The following FLT4 variants were observed in gnomAD, a reference collection of about 807,000 sequenced individuals.
FLT4 encodes the protein vascular endothelial growth factor receptor 3.
A neutral mutation model predicts 163.2 loss-of-function variants in FLT4; 30 were observed. The observed-to-expected ratio is 0.18, with a 90% confidence interval of 0.14 to 0.25. The LOEUF is 0.25. Ranked by LOEUF, FLT4 falls within the 10% of genes least tolerant of loss-of-function variation. FLT4 has a pLI of 1.00. For missense variants in FLT4, 1,510 were observed against 1,863.8 expected (o/e 0.81, Z 3.50); for synonymous variants, 884 against 789.5 (o/e 1.12, Z -2.01).
Position 180,625,962 on chromosome 5 carries a change from A to T in FLT4, c.1328T>A (p.Leu443His), listed in dbSNP as rs1763568439. ...GGGCACCCCGTAGGCCGTGCAGGTG[A>T]GGGCCTGGCGGCTGTGACGCGAGTA... ...SIYSRHSRQA[L>H]TCTAYGVPLP... Residue 443 changes from leucine to histidine, a missense_variant, in exon 10 of 30, where the codon CTC becomes CAC. This residue lies in a region of FLT4 where 878 missense variants were observed against 1,016.7 expected (regional missense o/e 0.86). Transcript: ENST00000261937. 1 of 1,612,572 alleles carries T rather than the reference A, an allele frequency of 6.2e-7. No individual in the cohort carries two copies. The highest frequency in any genetic ancestry group is 8.5e-7 in the Non-Finnish European group (1 of 1,179,966).
intron 1 of FLT4, among the ~76,000 whole-genome samples, chr5:180,645,350 A>G (rs1048359284): frequency 3.3e-5 from 5 of 152,210 alleles, no homozygotes; most frequent in African/African-American, 1.2e-4. Flanking sequence ...TGGGGCAGCC[A>G]GCTATGCCAG....
chr5:180,607,900 G>GC (rs199943664), intron 29 of FLT4: 6,897 of 588,074 alleles, frequency 0.012, 93 homozygotes, highest in African/African-American at 0.044. Flanking sequence ...TGTCACGCTG[G>GC]CATAAGGGCC....
rs1761565606 is a variant in FLT4 at position 180,602,499 on chromosome 5, G to A, written c.*693C>T. 5.0e-6 allele frequency: 2 copies of A among 398,914 alleles called. No homozygotes were observed. The highest frequency in any genetic ancestry group is 8.7e-5 in the Admixed American group (2 of 22,880). The allele number at this position is 398,914 out of a possible 1,614,324, so 24.7% of individuals were successfully genotyped here. A position where few individuals can be genotyped will look rare whatever the true frequency, so the allele number is the denominator to read the frequency against. On this transcript the variant is annotated 3_prime_UTR_variant, in exon 30 of 30. Transcript: ENST00000261937. ...CTCAGCAGCTCTAACAGTCTGTGAA[G>A]TTCTGTTGAAAAAGACTTGCAGGAT...
chr5:180,613,346 C>T (rs1185268709), intron 24 of FLT4: 2 of 475,546 alleles, frequency 4.2e-6, no homozygotes, highest in Non-Finnish European at 7.4e-6. Flanking sequence ...CGCCTGCTTG[C>T]TAGGGGTGCC....
chr5:180,618,911 G>T lies in FLT4; in HGVS notation c.2860C>A (p.Pro954Thr). 6.3e-7 allele frequency: 1 copy of T among 1,585,880 alleles called. No individual in the cohort carries two copies. Among genetic ancestry groups the T allele is most frequent in the Non-Finnish European group, 8.6e-7 (1 of 1,167,048 alleles). The change falls in exon 21 of 30, where the codon CCC (proline) becomes ACC (threonine). Residue 954 changes from proline (P) to threonine (T), a missense_variant. Physicochemically the swap from Pro to Thr is conservative, Grantham distance 38. This residue lies in a region of FLT4 where 878 missense variants were observed against 1,016.7 expected (regional missense o/e 0.86). Transcript: ENST00000261937. ...GCGCGGAAGCGTCCGCGCTGCTCGG[G>T]AGACTTCTCCTGCGGATGCACGAAG... ...DAFSPCAEKS[P>T]EQRGRFRAMV...
Position 180,620,600 on chromosome 5 carries a change from G to A in FLT4, c.2406+9C>T, listed in dbSNP as rs774782398. The A allele has an allele frequency of 2.5e-6, 4 of 1,593,588 alleles. No individual in the cohort carries two copies. In the East Asian group the frequency reaches 8.9e-5, roughly 36 times the overall value. ...AGAGACTCCATCAGGAGCGGGGAGG[G>A]ACACTCACCCTCCTCATGTTACAGA... On this transcript the variant is annotated intron_variant, in intron 16 of 29. Coordinates refer to ENST00000261937, the MANE Select transcript of FLT4 (RefSeq NM_182925.5). The surrounding 1 kb of genome is among the most constrained non-coding windows in gnomAD (Gnocchi z 4.4).
rs202036310 is a variant in FLT4 at position 180,619,278 on chromosome 5, G to A, written c.2736C>T (p.Leu912=). Residue 912 remains leucine, a synonymous_variant, in exon 19 of 30, where the codon CTC becomes CTT. Coordinates refer to ENST00000261937, the MANE Select transcript of FLT4 (RefSeq NM_182925.5). ...CCTGCGGCTTGGTGCACGCCCCGAGGAGGTTGACCACGTTGAGGTGGTTGC... is the reference window on the plus strand; with the variant it reads ...CCTGCGGCTTGGTGCACGCCCCGAGAAGGTTGACCACGTTGAGGTGGTTGC... ...HIGNHLNVVN[L]LGACTKPQGP... 16 of 1,610,542 alleles carry A rather than the reference G, an allele frequency of 9.9e-6. No individual in the cohort carries two copies. The highest frequency in any genetic ancestry group is 1.3e-5 in the Non-Finnish European group (15 of 1,179,180).
At chr5:180,628,512 G>A (rs564797150) in intron 8 of FLT4, among the ~76,000 whole-genome samples, 63 of 152,338 alleles carry the variant, frequency 4.1e-4, no homozygotes, top group African/African-American at 1.5e-3. Context: ...AGGCAGCCTC[G>A]CAAAAGGAGG....
chr5:180,612,987 C>T, intron 25 of FLT4, 24 bp downstream of exon 25: 1 of 1,588,208 alleles, frequency 6.3e-7, no homozygotes, highest in Non-Finnish European at 8.6e-7. Flanking sequence ...TCCCCAAAAC[C>T]TGCAGGGCCA....
At chr5:180,619,835 G>T in intron 17 of FLT4, 66 bp from the exon 18 acceptor site, 1 of 1,244,246 alleles carries the variant, frequency 8.0e-7, no homozygotes, top group Non-Finnish European at 1.2e-6. Context: ...GGTGGGCGGC[G>T]GGGGAGCCCC....
At chr5:180,639,538 G>C (rs1764944027) in intron 1 of FLT4, among the ~76,000 whole-genome samples, 1 of 151,764 alleles carries the variant, frequency 6.6e-6, no homozygotes, top group African/African-American at 2.4e-5. Flanking sequence ...ATGGTGGAAA[G>C]GTGGGCATAT....
rs372609921 is a variant in FLT4, at chr5:180,610,426, A to C, written c.3687-401T>G. Among the ~76,000 whole-genome samples the C allele has an allele frequency of 1.4e-4, 22 of 152,324 alleles. No homozygotes were observed. In the South Asian group the frequency reaches 3.3e-3, roughly 23 times the overall value. ...CACACGTTGAGGGGTTTGTGGAAGG[A>C]GCCTGGCAGAATCCAGCTAACTGTT... On this transcript the variant is annotated intron_variant, in intron 27 of 29. Transcript: ENST00000261937.
In FLT4 at chr5:180,620,306, C is replaced by G. The variant is rs745580922; in HGVS notation, c.2409G>C (p.Pro803=). The stretch of plus-strand genomic sequence containing the variant: ...AGCCCGTCTTGATGTCTGCGTGGGC[C>G]GGCTGCGGGGAGGGGACAGGGAGGA... ...LLLIFCNMRR[P]AHADIKTGYL... is the part of the protein sequence containing the mutation. The change falls in exon 17 of 30, where the codon CCG becomes CCC. Residue 803 remains proline, a splice_region_variant and synonymous_variant. Coordinates refer to ENST00000261937, the MANE Select transcript of FLT4 (RefSeq NM_182925.5). This position sits in a 1 kb window ranked among gnomAD's most constrained non-coding sequence, Gnocchi z 4.4. 1 of 1,610,960 alleles carries G rather than the reference C, an allele frequency of 6.2e-7. No homozygotes were observed. Among genetic ancestry groups the G allele is most frequent in the South Asian group, 1.1e-5 (1 of 91,054 alleles).
At position 180,619,057 on chromosome 5, in the gene FLT4, G is replaced by A. The variant is rs1262054228; in HGVS notation, c.2814C>T (p.Phe938=). 7.7e-6 allele frequency: 12 copies of A among 1,559,796 alleles called. No homozygotes were observed. The highest frequency in any genetic ancestry group is 1.9e-5 in the Admixed American group (1 of 52,868). Residue 938 remains phenylalanine (F), a synonymous_variant, in exon 20 of 30, where the codon TTC becomes TTT. Coordinates refer to ENST00000261937, the MANE Select transcript of FLT4 (RefSeq NM_182925.5). ...TGAAGGCGTCCCGCTTGGCGCGCAGGAAGTTGGAGAGGTTGCCGTACTTGC... is the reference window on the plus strand; with the variant it reads ...TGAAGGCGTCCCGCTTGGCGCGCAGAAAGTTGGAGAGGTTGCCGTACTTGC... The part of the protein sequence containing the change: ...EFCKYGNLSN[F]LRAKRDAFSP...
At chr5:180,624,171 C>G (rs900426844) in intron 10 of FLT4, 110 bp from the exon 11 acceptor site, 10 of 1,307,046 alleles carry the variant, frequency 7.7e-6, no homozygotes, top group East Asian at 2.5e-5. Flanking sequence ...CATATGGGGT[C>G]GTGGGCGAGG....
intron 18 of FLT4, 35 bp from the exon 19 acceptor site, chr5:180,619,401 C>T (rs910042666): frequency 2.0e-6 from 3 of 1,537,736 alleles, no homozygotes; most frequent in African/African-American, 1.4e-5. Context: ...CGGCCCCGAC[C>T]CTGGCAGGTC....
chr5:180,637,186 C>T lies in FLT4; in HGVS notation c.59-5408G>A, dbSNP rs1454686799. Reference sequence around the variant, plus strand: ...CTCTACTAAAAATACAAAAGTTAGCCGGGCACGGTGGTGGGTGCCTGTAGT... The same window carrying T: ...CTCTACTAAAAATACAAAAGTTAGCTGGGCACGGTGGTGGGTGCCTGTAGT... On this transcript the variant is annotated intron_variant, in intron 1 of 29. Transcript: ENST00000261937. 1.8e-4 allele frequency among the ~76,000 whole-genome samples: 28 copies of T among 151,932 alleles called. 1 individual carries two copies. Among genetic ancestry groups the T allele is most frequent in the Admixed American group, 1.4e-3 (22 of 15,238 alleles).
In FLT4 at chr5:180,628,969, T is replaced by G. The variant is rs1763868112; in HGVS notation, c.1016A>C (p.Lys339Thr). 1 of 1,612,566 alleles carries G rather than the reference T, an allele frequency of 6.2e-7. No individual in the cohort carries two copies. Among genetic ancestry groups the G allele is most frequent in the African/African-American group, 1.3e-5 (1 of 74,908 alleles). ...ENPFISVEWLKGPILEATAGD... is the reference protein window; with the variant it reads ...ENPFISVEWLTGPILEATAGD... The stretch of plus-strand genomic sequence containing the variant: ...TGCCGTGGCCTCCAGGATGGGTCCT[T>G]TGAGCCACTCGACGCTGATGAAGGG... Residue 339 changes from lysine to threonine, a missense_variant, in exon 8 of 30, where the codon AAA becomes ACA. This residue lies in a region of FLT4 where 163 missense variants were observed against 281.1 expected (regional missense o/e 0.58). Coordinates refer to ENST00000261937, the MANE Select transcript of FLT4 (RefSeq NM_182925.5).
In FLT4 at chr5:180,620,883, G is replaced by A. The variant is rs553850445; in HGVS notation, c.2292C>T (p.Ala764=). Residue 764 remains alanine, a synonymous_variant, in exon 15 of 30, where the codon GCC becomes GCT. Transcript: ENST00000261937. This position sits in a 1 kb window ranked among gnomAD's most constrained non-coding sequence, Gnocchi z 4.4. ...KGCVNSSASV[A]VEGSEDKGSM... ...TGCAGCCTGAGGCCAGACCTTCCAC[G>A]GCCACGCTGGCGGAGGAGTTGACGC... 16 of 1,609,676 alleles carry A rather than the reference G, an allele frequency of 9.9e-6. No homozygotes were observed. Among genetic ancestry groups the A allele is most frequent in the South Asian group, 5.5e-5 (5 of 90,766 alleles).
Sources: gnomAD v4.1 joint callset for allele counts (sites outside exome capture counted in the v4.1 genomes callset) on GRCh38, gnomAD v4.1.1 for gene constraint, gnomAD v4.1.1 regional missense constraint, Gnocchi (gnomAD v3.1) non-coding constraint, MANE v1.5 for transcripts, NCBI Gene and HGNC (gene_info 2026-07-23, HGNC 2026-07-21) for gene names.